The following NEGR1 variants were observed in gnomAD, a reference collection of about 807,000 sequenced individuals.
The protein encoded by NEGR1 is IgLON family member 4.
In NEGR1, 10 loss-of-function variants were observed where a neutral mutation model predicts 40.9. The observed-to-expected ratio is 0.24, with a 90% CI of 0.15 to 0.42. The LOEUF is 0.42. Ranked by LOEUF, NEGR1 falls within the 10% of genes least tolerant of loss-of-function variation. The pLI is 1.00. For missense variants in NEGR1, 352 were observed against 438.9 expected, an observed-to-expected ratio of 0.80 and a Z score of 1.77; for synonymous variants, 185 against 166.8, an observed-to-expected ratio of 1.11 and a Z score of -0.84.
chr1:71,928,512 G>GTA lies in NEGR1; in HGVS notation c.409+6565_409+6566dup, dbSNP rs994411417. Among the ~76,000 whole-genome samples, 9 of 89,202 alleles carry GTA rather than the reference G, an allele frequency of 1.0e-4. 1 individual carries two copies. Among genetic ancestry groups the GTA allele is most frequent in the Non-Finnish European group, 1.4e-4 (6 of 43,472 alleles). The allele number at this position is 89,202 out of a possible 152,430, so 58.5% of individuals were successfully genotyped here. The stretch of plus-strand genomic sequence containing the variant: ...TATATATACACATATGTATACATGT[G>GTA]TATATATATACACACATCTATACAC... On this transcript the variant is annotated intron_variant, in intron 2 of 6. Transcript: ENST00000357731.
intron 6 of NEGR1, among the ~76,000 whole-genome samples, chr1:71,446,996 G>A (rs1234406638): frequency 1.3e-5 from 2 of 152,184 alleles, no homozygotes; most frequent in Non-Finnish European, 2.9e-5. Flanking sequence ...TCTTATTACA[G>A]TATAAGTTTC....
At chr1:72,121,564 A>T (rs576247679) in intron 1 of NEGR1, among the ~76,000 whole-genome samples, 22 of 152,002 alleles carry the variant, frequency 1.4e-4, no homozygotes, top group Non-Finnish European at 2.9e-4. Context: ...AAAACATGTC[A>T]GCAGACAAAG....
chr1:72,059,266 C>A (rs1647143739), intron 1 of NEGR1, among the ~76,000 whole-genome samples: 1 of 151,430 alleles, frequency 6.6e-6, no homozygotes, highest in Non-Finnish European at 1.5e-5. Context: ...TATGTGCATC[C>A]AACGCCACAA....
chr1:71,866,015 T>C (rs935450211), intron 2 of NEGR1, among the ~76,000 whole-genome samples: 1 of 152,140 alleles, frequency 6.6e-6, no homozygotes, highest in African/African-American at 2.4e-5. Flanking sequence ...ACTGCCAACA[T>C]TTAAAGTATA....
At chr1:71,742,244 G>C (rs1334810799) in intron 3 of NEGR1, among the ~76,000 whole-genome samples, 1 of 152,158 alleles carries the variant, frequency 6.6e-6, no homozygotes, top group Non-Finnish European at 1.5e-5. Flanking sequence ...AGGCCAGATT[G>C]CCTCTGCCCA....
At chr1:71,876,301 A>G (rs1338092148) in intron 2 of NEGR1, among the ~76,000 whole-genome samples, 4 of 152,126 alleles carry the variant, frequency 2.6e-5, no homozygotes, top group Non-Finnish European at 5.9e-5. Flanking sequence ...ACTTGTGCTC[A>G]GGAGTTCAAG....
chr1:72,114,289 C>T (rs1219649424), intron 1 of NEGR1, among the ~76,000 whole-genome samples: 1 of 151,442 alleles, frequency 6.6e-6, no homozygotes, highest in Non-Finnish European at 1.5e-5. Flanking sequence ...GACTGATCTC[C>T]CTCCCCATCA....
chr1:71,620,874 T>A (rs185941601), intron 4 of NEGR1, among the ~76,000 whole-genome samples: 6 of 152,120 alleles, frequency 3.9e-5, no homozygotes, highest in African/African-American at 1.4e-4. Context: ...ACATTTACTG[T>A]CTGAAGTACT....
In NEGR1 at chr1:71,406,161, A is replaced by G. The variant is rs1646276546; in HGVS notation, c.*1285T>C. The G allele has an allele frequency of 6.6e-6, 1 of 151,950 alleles. No individual in the cohort carries two copies. The highest frequency in any genetic ancestry group is 6.6e-5 in the Admixed American group (1 of 15,210). 9.4% of individuals were successfully genotyped at this position (151,950 alleles called of 1,614,324 possible). On this transcript the variant is annotated 3_prime_UTR_variant, in exon 7 of 7. Transcript: ENST00000357731. ...CTTGTTTGCACTGAAATGGCTATAT[A>G]GAAAGATTTTATTGAAGAATTAGCT...
intron 2 of NEGR1, among the ~76,000 whole-genome samples, chr1:71,795,398 T>A (rs958520311): frequency 1.3e-5 from 2 of 152,048 alleles, no homozygotes; most frequent in Non-Finnish European, 2.9e-5. Flanking sequence ...ACTAAAACAG[T>A]GGTTCTCAAT....
At chr1:72,075,737 A>C (rs529295679) in intron 1 of NEGR1, among the ~76,000 whole-genome samples, 1 of 152,304 alleles carries the variant, frequency 6.6e-6, no homozygotes, top group East Asian at 1.9e-4. Context: ...AACATGCTGG[A>C]AAGTGGAAAT....
At chr1:71,708,582 A>C (rs1486887214) in intron 3 of NEGR1, among the ~76,000 whole-genome samples, 1 of 149,272 alleles carries the variant, frequency 6.7e-6, no homozygotes, top group Non-Finnish European at 1.5e-5. Flanking sequence ...CCTGACTTCA[A>C]ATTATATTAC....
At chr1:71,726,799 G>C (rs1406294435) in intron 3 of NEGR1, among the ~76,000 whole-genome samples, 1 of 152,000 alleles carries the variant, frequency 6.6e-6, no homozygotes, top group Non-Finnish European at 1.5e-5. Flanking sequence ...ACTTGGACAA[G>C]ACAGAGTAGA....
intron 3 of NEGR1, among the ~76,000 whole-genome samples, chr1:71,722,026 G>T (rs941323340): frequency 6.6e-6 from 1 of 152,048 alleles, no homozygotes; most frequent in Non-Finnish European, 1.5e-5. Context: ...TTTTAACTAG[G>T]GTAAGACGTT....
chr1:71,639,537 T>C (rs537232885), intron 4 of NEGR1, among the ~76,000 whole-genome samples: 1 of 152,056 alleles, frequency 6.6e-6, no homozygotes, highest in Non-Finnish European at 1.5e-5. Flanking sequence ...AGAATATGTG[T>C]ATGCGCACCT....
chr1:71,539,220 T>C (rs1187225724), intron 6 of NEGR1, among the ~76,000 whole-genome samples: 9 of 151,796 alleles, frequency 5.9e-5, no homozygotes, highest in African/African-American at 2.2e-4. Context: ...AGCATCACTC[T>C]ATAAATGTTA....
intron 5 of NEGR1, among the ~76,000 whole-genome samples, chr1:71,597,150 A>G (rs1326427709): frequency 6.6e-6 from 1 of 152,174 alleles, no homozygotes; most frequent in Non-Finnish European, 1.5e-5. Context: ...TTAAAACAAA[A>G]GAGAAAGATT....
At chr1:72,152,477 A>G (rs1351804665) in intron 1 of NEGR1, among the ~76,000 whole-genome samples, 2 of 152,002 alleles carry the variant, frequency 1.3e-5, no homozygotes, top group East Asian at 3.8e-4. Flanking sequence ...AAAAAACAAG[A>G]GTTGTTGTTG....
intron 1 of NEGR1, among the ~76,000 whole-genome samples, chr1:72,030,149 T>A (rs1008619956): frequency 3.3e-5 from 5 of 151,804 alleles, no homozygotes; most frequent in Non-Finnish European, 7.4e-5. Flanking sequence ...CAAGTGACAA[T>A]GTAGAATGTA....
Sources: allele counts gnomAD v4.1 joint callset (sites outside exome capture counted in the v4.1 genomes callset), GRCh38; gene constraint gnomAD v4.1.1; transcripts MANE v1.5; gene names NCBI Gene and HGNC (gene_info 2026-07-23, HGNC 2026-07-21).